The following HTT-AS variants were observed in gnomAD, a reference collection of about 807,000 sequenced individuals.
The protein encoded by HTT-AS is HTT antisense RNA (head to head).
intron 1 of HTT-AS, among the ~76,000 whole-genome samples, chr4:3,074,275 G>A (rs1325658950): frequency 0.016 from 1,787 of 108,308 alleles, 51 homozygotes; most frequent in African/African-American, 0.06. Flanking sequence ...TCCCTGCTGT[G>A]CCCCGCCCCG....
At chr4:3,064,180 C>T (rs1481866287) in intron 1 of HTT-AS, among the ~76,000 whole-genome samples, 3 of 151,210 alleles carry the variant, frequency 2.0e-5, no homozygotes, top group Non-Finnish European at 4.4e-5. Flanking sequence ...ACTACAAGCT[C>T]TGCCTCCCAG....
At chr4:3,058,304 C>T (rs1711848557) in intron 2 of HTT-AS, among the ~76,000 whole-genome samples, 1 of 150,284 alleles carries the variant, frequency 6.7e-6, no homozygotes, top group African/African-American at 2.5e-5. Context: ...CCAGCCTGCA[C>T]AACAAGAATG....
chr4:3,069,982 T>C (rs1712133403), intron 1 of HTT-AS: 1 of 152,264 alleles, frequency 6.6e-6, no homozygotes, highest in African/African-American at 2.4e-5. Flanking sequence ...TCCCACCTGG[T>C]CTCGGGTCGG....
chr4:3,062,914 A>C (rs1431982526), exon 2 of HTT-AS, among the ~76,000 whole-genome samples: 1 of 152,144 alleles, frequency 6.6e-6, no homozygotes, highest in Non-Finnish European at 1.5e-5. Context: ...TAGTAAGGAA[A>C]CAAGTGGGCT....
intron 1 of HTT-AS, among the ~76,000 whole-genome samples, chr4:3,064,164 C>T (rs1711997556): frequency 6.7e-6 from 1 of 150,138 alleles, no homozygotes; most frequent in Non-Finnish European, 1.5e-5. Context: ...GGTGCAATCT[C>T]AGCTCACTAC....
At chr4:3,069,188 C>G (rs574940413) in intron 1 of HTT-AS, among the ~76,000 whole-genome samples, 50 of 151,796 alleles carry the variant, frequency 3.3e-4, no homozygotes, top group Middle Eastern at 3.4e-3. Context: ...CTTTGTCACC[C>G]AGGCTGGAGT....
In HTT-AS at chr4:3,066,298, T is replaced by C. The variant is rs1261331500; in HGVS notation, n.114-2598A>G. Among the ~76,000 whole-genome samples, 4 of 152,058 alleles carry C rather than the reference T, an allele frequency of 2.6e-5. No individual in the cohort carries two copies. The East Asian group carries it at 7.7e-4, about 29-fold the overall frequency. ...GATTCTCCTGCCTCAGCCTCCCGAG[T>C]AGCTGGGATTACAGGCTCCCGCCAC... On this transcript the variant is annotated intron_variant and non_coding_transcript_variant, in intron 1 of 2. Transcript: ENST00000664062.
downstream of HTT-AS, among the ~76,000 whole-genome samples, chr4:3,046,936 G>A (rs1472737523): frequency 6.6e-6 from 1 of 152,074 alleles, no homozygotes. Flanking sequence ...GAGTGTGGGC[G>A]GCAAGCCACC....
chr4:3,065,692 G>A (rs569132130), intron 1 of HTT-AS, among the ~76,000 whole-genome samples: 67 of 152,314 alleles, frequency 4.4e-4, no homozygotes, highest in African/African-American at 1.6e-3. Flanking sequence ...ACTGACGTCA[G>A]CCTACAATTG....
intron 2 of HTT-AS, among the ~76,000 whole-genome samples, chr4:3,055,497 C>T (rs1159751759): frequency 1.3e-5 from 2 of 152,160 alleles, no homozygotes; most frequent in Non-Finnish European, 2.9e-5. Context: ...AGTAACTAAG[C>T]TAAAAGGTTA....
intron 2 of HTT-AS, among the ~76,000 whole-genome samples, chr4:3,053,059 T>G (rs567460954): frequency 2.8e-4 from 42 of 152,242 alleles, no homozygotes; most frequent in African/African-American, 9.6e-4. Flanking sequence ...GCCTGCTTAT[T>G]ATATTAGGCC....
At chr4:3,060,945 A>C (rs1711915157) in intron 2 of HTT-AS, among the ~76,000 whole-genome samples, 1 of 151,952 alleles carries the variant, frequency 6.6e-6, no homozygotes, top group East Asian at 1.9e-4. Flanking sequence ...TGTCTATAAA[A>C]CCCTGTCCAT....
intron 2 of HTT-AS, among the ~76,000 whole-genome samples, chr4:3,051,564 A>C (rs1307815007): frequency 6.6e-6 from 1 of 151,982 alleles, no homozygotes; most frequent in Non-Finnish European, 1.5e-5. Flanking sequence ...GGAATCCAGA[A>C]GCCTGGCACA....
intron 1 of HTT-AS, among the ~76,000 whole-genome samples, chr4:3,073,266 C>T (rs115583116): frequency 0.03 from 4,587 of 152,306 alleles, 186 homozygotes; most frequent in African/African-American, 0.096. Flanking sequence ...GCATCACCCC[C>T]CGGCTGGGCG....
intron 2 of HTT-AS, among the ~76,000 whole-genome samples, chr4:3,058,726 T>C (rs987064000): frequency 6.6e-6 from 1 of 151,738 alleles, no homozygotes; most frequent in Non-Finnish European, 1.5e-5. Context: ...ATTTCTTTTT[T>C]TTTTTTCCTT....
intron 2 of HTT-AS, among the ~76,000 whole-genome samples, chr4:3,052,414 T>C (rs1711720794): frequency 6.6e-6 from 1 of 152,206 alleles, no homozygotes; most frequent in Admixed American, 6.5e-5. Flanking sequence ...CTGGGACTCC[T>C]TGGGAAAACA....
intron 2 of HTT-AS, among the ~76,000 whole-genome samples, chr4:3,061,904 C>G (rs1326955414): frequency 6.8e-6 from 1 of 148,100 alleles, no homozygotes; most frequent in Non-Finnish European, 1.5e-5. Context: ...ATGGCGTGAA[C>G]CGGGGAGGCG....
chr4:3,071,783 G>A (rs868699735), intron 1 of HTT-AS, among the ~76,000 whole-genome samples: 6 of 152,124 alleles, frequency 3.9e-5, no homozygotes, highest in East Asian at 1.9e-4. Flanking sequence ...ATTAGGACAC[G>A]GACATGCTCA....
At chr4:3,062,680 T>G (rs1711956673) in exon 2 of HTT-AS, among the ~76,000 whole-genome samples, 1 of 151,984 alleles carries the variant, frequency 6.6e-6, no homozygotes. Flanking sequence ...ATCACCACTG[T>G]GCACTGCTGA....
Sources: gnomAD v4.1 joint callset for allele counts (sites outside exome capture counted in the v4.1 genomes callset) on GRCh38, gnomAD v4.1.1 for gene constraint, MANE v1.5 for transcripts, NCBI Gene and HGNC (gene_info 2026-07-23, HGNC 2026-07-21) for gene names.